The following KCNIP1 variants were observed in gnomAD, a reference collection of about 807,000 sequenced individuals.
KCNIP1 encodes A-type potassium channel modulatory protein KCNIP1.
In KCNIP1, 18 loss-of-function variants were observed where a neutral mutation model predicts 33.0. The observed-to-expected ratio is 0.55, with a 90% CI of 0.38 to 0.81. The LOEUF (loss-of-function observed/expected upper bound fraction) is 0.81, where lower values mean the gene tolerates loss of function less well. KCNIP1 is among the 30% of genes least tolerant of loss of function. The pLI is 0.00. For missense variants in KCNIP1, 238 were observed against 271.6 expected, an observed-to-expected ratio of 0.88 and a Z score of 0.87; for synonymous variants, 93 against 98.3, an observed-to-expected ratio of 0.95 and a Z score of 0.32.
In KCNIP1 at chr5:170,734,637, G is replaced by T. The variant is rs374598232; in HGVS notation, c.603+739G>T. 7.2e-5 allele frequency among the ~76,000 whole-genome samples: 11 copies of T among 152,230 alleles called. No individual in the cohort carries two copies. The East Asian group carries it at 1.4e-3, about 19-fold the overall frequency. ...TCATCTACTTTTGAGAAATCCATTT[G>T]TACCCCCACATTATTTTAGAAATGT... On this transcript the variant is annotated intron_variant, in intron 7 of 7. Transcript: ENST00000328939.
intron 1 of KCNIP1, among the ~76,000 whole-genome samples, chr5:170,397,772 A>G (rs1040935276): frequency 6.6e-6 from 1 of 152,202 alleles, no homozygotes; most frequent in Non-Finnish European, 1.5e-5. Context: ...AGACCTTGAG[A>G]ATATGTGCCC....
intron 1 of KCNIP1, among the ~76,000 whole-genome samples, chr5:170,559,366 G>A (rs1046848666): frequency 6.6e-6 from 1 of 151,992 alleles, no homozygotes; most frequent in African/African-American, 2.4e-5. Flanking sequence ...ATTCATTTTT[G>A]GCTTCCTCCC....
intron 1 of KCNIP1, among the ~76,000 whole-genome samples, chr5:170,575,649 C>T (rs1391277938): frequency 6.6e-6 from 1 of 152,182 alleles, no homozygotes; most frequent in Non-Finnish European, 1.5e-5. Flanking sequence ...GGCTCAAAAT[C>T]ACCCCTCACT....
At chr5:170,723,809 G>A (rs1458247727) in intron 5 of KCNIP1, among the ~76,000 whole-genome samples, 1 of 152,178 alleles carries the variant, frequency 6.6e-6, no homozygotes, top group Non-Finnish European at 1.5e-5. Flanking sequence ...CCAAGGAGGT[G>A]TCGTCATACT....
intron 1 of KCNIP1, among the ~76,000 whole-genome samples, chr5:170,550,727 C>T (rs948135434): frequency 2.0e-5 from 3 of 149,624 alleles, no homozygotes; most frequent in South Asian, 2.1e-4. Flanking sequence ...ATGATAATGA[C>T]AGTACTGATG....
intron 1 of KCNIP1, among the ~76,000 whole-genome samples, chr5:170,462,588 TA>T (rs1165237206): frequency 1.1e-4 from 17 of 152,148 alleles, no homozygotes; most frequent in Admixed American, 1.1e-3. Flanking sequence ...CTTAAAGTAC[TA>T]AAAGTAGAAC....
At chr5:170,563,423 A>G (rs59266801) in intron 1 of KCNIP1, among the ~76,000 whole-genome samples, 12,044 of 152,110 alleles carry the variant, frequency 0.079, 1,549 homozygotes, top group African/African-American at 0.26. Context: ...GCTCACACAC[A>G]GGGCTTCCTC....
chr5:170,558,110 C>T (rs555773591), intron 1 of KCNIP1, among the ~76,000 whole-genome samples: 6 of 152,148 alleles, frequency 3.9e-5, no homozygotes, highest in Non-Finnish European at 7.4e-5. Context: ...AGCTCCCTTC[C>T]TTCCCTGAGT....
At chr5:170,630,515 G>A (rs1437838622) in intron 1 of KCNIP1, among the ~76,000 whole-genome samples, 1 of 152,216 alleles carries the variant, frequency 6.6e-6, no homozygotes, top group Non-Finnish European at 1.5e-5. Flanking sequence ...GGAGCCCAGA[G>A]GCGTCCATCA....
At chr5:170,715,603 A>T (rs750328403) in intron 1 of KCNIP1, among the ~76,000 whole-genome samples, 1 of 152,202 alleles carries the variant, frequency 6.6e-6, no homozygotes, top group African/African-American at 2.4e-5. Flanking sequence ...TCACTTCTTA[A>T]TATCACATGC....
At chr5:170,589,068 G>T (rs56047208) in intron 1 of KCNIP1, among the ~76,000 whole-genome samples, 1 of 143,978 alleles carries the variant, frequency 6.9e-6, no homozygotes, top group South Asian at 2.2e-4. Context: ...GCGCGATCTC[G>T]GCTCACTGCA....
chr5:170,374,302 T>A (rs1022379487), intron 1 of KCNIP1, among the ~76,000 whole-genome samples: 11 of 151,896 alleles, frequency 7.2e-5, no homozygotes, highest in African/African-American at 2.4e-4. Context: ...TAGTGAGGGG[T>A]AGGGAGGGAG....
chr5:170,404,290 C>T (rs886067456), intron 1 of KCNIP1, among the ~76,000 whole-genome samples: 5 of 152,064 alleles, frequency 3.3e-5, no homozygotes, highest in African/African-American at 1.2e-4. Flanking sequence ...GTACTATGTG[C>T]ATTTATAAAT....
At chr5:170,529,444 GT>G (rs1236959225) in intron 1 of KCNIP1, among the ~76,000 whole-genome samples, 5 of 152,224 alleles carry the variant, frequency 3.3e-5, no homozygotes, top group African/African-American at 1.2e-4. Flanking sequence ...CGAATGGACT[GT>G]ATTTGTGGGG....
intron 1 of KCNIP1, among the ~76,000 whole-genome samples, chr5:170,366,745 G>A (rs1333429291): frequency 6.6e-6 from 1 of 152,200 alleles, no homozygotes; most frequent in Non-Finnish European, 1.5e-5. Flanking sequence ...GTAGCTGGGG[G>A]CACAGGGATG....
intron 1 of KCNIP1, among the ~76,000 whole-genome samples, chr5:170,408,068 G>A (rs904094450): frequency 1.3e-5 from 2 of 152,190 alleles, no homozygotes; most frequent in Non-Finnish European, 2.9e-5. Context: ...ATTAAGGGTG[G>A]TAATATGAGT....
intron 1 of KCNIP1, among the ~76,000 whole-genome samples, chr5:170,597,570 A>G (rs1174567782): frequency 6.6e-6 from 1 of 151,992 alleles, no homozygotes; most frequent in African/African-American, 2.4e-5. Flanking sequence ...TGAGCCCATA[A>G]AGGGGTCATG....
chr5:170,637,187 C>T (rs1176907542), intron 1 of KCNIP1, among the ~76,000 whole-genome samples: 1 of 152,178 alleles, frequency 6.6e-6, no homozygotes, highest in African/African-American at 2.4e-5. Context: ...TTTCCAAGCA[C>T]TTCCCAGCCC....
chr5:170,532,961 G>A (rs1180159274), intron 1 of KCNIP1, among the ~76,000 whole-genome samples: 6 of 152,288 alleles, frequency 3.9e-5, no homozygotes, highest in East Asian at 1.9e-4. Flanking sequence ...GTAGCCTTCC[G>A]GATCTGTTGT....
Sources: allele counts gnomAD v4.1 joint callset (sites outside exome capture counted in the v4.1 genomes callset), GRCh38; gene constraint gnomAD v4.1.1; transcripts MANE v1.5; gene names NCBI Gene and HGNC (gene_info 2026-07-23, HGNC 2026-07-21).